Variants in TMEM255B observed in about 807,000 individuals in gnomAD.
TMEM255B encodes transmembrane protein 255B.
TMEM255B carries 35 observed loss-of-function variants against 34.5 expected under a neutral mutation model. That is an observed-to-expected ratio of 1.01 (90% confidence interval 0.77 to 1.34). TMEM255B has a LOEUF of 1.34. Among genes scored for constraint, TMEM255B ranks in the 40% most tolerant of loss-of-function variants. The pLI is 0.00. For missense variants in TMEM255B, 432 were observed against 433.2 expected, an observed-to-expected ratio of 1.00 and a Z score of 0.02; for synonymous variants, 206 against 201.2, an observed-to-expected ratio of 1.02 and a Z score of -0.20.
rs1396760362 is a variant in TMEM255B, at chr13:113,759,461, T to A, written c.46+146T>A. On this transcript the variant is annotated intron_variant, in intron 1 of 8. Transcript: ENST00000375353. ...TGGTCCCTCCGCCTCCTTCGAGCTCTGTCTTTGGAACACTTTGCATTTCGC... is the reference window on the plus strand; with the variant it reads ...TGGTCCCTCCGCCTCCTTCGAGCTCAGTCTTTGGAACACTTTGCATTTCGC... 10 of 734,210 alleles carry A rather than the reference T, an allele frequency of 1.4e-5. No homozygotes were observed. In the African/African-American group the frequency reaches 1.6e-4, roughly 12 times the overall value. 45.5% of individuals were successfully genotyped at this position (734,210 alleles called of 1,614,324 possible).
intron 2 of TMEM255B, 32 bp downstream of exon 2, chr13:113,766,289 G>C (rs781718918): frequency 6.2e-7 from 1 of 1,612,916 alleles, no homozygotes; most frequent in Non-Finnish European, 8.5e-7. Flanking sequence ...CCTGGGCCGG[G>C]GAGGGCAGGG....
rs367805079 is a variant in TMEM255B at position 113,784,367 on chromosome 13, C to T, written c.253-10781C>T. The stretch of plus-strand genomic sequence containing the variant: ...CCCACTGGTCCTCTGAGGACCAGGA[C>T]GGCAGATCTGACTTTCCTGGGTACC... On this transcript the variant is annotated intron_variant, in intron 3 of 8. Transcript: ENST00000375353. Among the ~76,000 whole-genome samples, 86 of 152,236 alleles carry T rather than the reference C, an allele frequency of 5.6e-4. No individual in the cohort carries two copies. In the East Asian group the frequency reaches 0.01, roughly 18 times the overall value.
intron 3 of TMEM255B, among the ~76,000 whole-genome samples, chr13:113,775,051 AACACACC>A (rs1259549652): frequency 2.8e-5 from 2 of 72,606 alleles, no homozygotes; most frequent in East Asian, 3.5e-4. Flanking sequence ...TTGCACACAC[AACACACC>A]ACACACCACA....
Position 113,816,841 on chromosome 13 carries a change from C to T in TMEM255B, c.*4938C>T, listed in dbSNP as rs1566346095. ...ATGGAGCGGACCCTCCCCCTCTCCC[C>T]TCGTGGAGTCCTTGACCCTGGGGCA... On this transcript the variant is annotated 3_prime_UTR_variant, in exon 9 of 9. Transcript: ENST00000375353. The T allele has an allele frequency of 6.6e-6, 1 of 152,372 alleles. No individual in the cohort carries two copies. Among genetic ancestry groups the T allele is most frequent in the East Asian group, 1.9e-4 (1 of 5,182 alleles). 9.4% of individuals were successfully genotyped at this position (152,372 alleles called of 1,614,324 possible). A position where few individuals can be genotyped will look rare whatever the true frequency, so the allele number is the denominator to read the frequency against.
At position 113,811,785 on chromosome 13, in the gene TMEM255B, A is replaced by G; in HGVS notation, c.863A>G (p.Glu288Gly). 6.2e-7 allele frequency: 1 copy of G among 1,613,852 alleles called. No individual in the cohort carries two copies. Among genetic ancestry groups the G allele is most frequent in the Non-Finnish European group, 8.5e-7 (1 of 1,179,862 alleles). The change falls in exon 9 of 9, where the codon GAG (glutamate) becomes GGG (glycine). Residue 288 changes from glutamate (E) to glycine (G), a missense_variant. Coordinates refer to ENST00000375353, the MANE Select transcript of TMEM255B (RefSeq NM_182614.4). ...VAPSSALASSEDLQPPSPSSS... is the reference protein window; with the variant it reads ...VAPSSALASSGDLQPPSPSSS... ...CCCTCCTCTGCCCTGGCTTCGTCTGAGGACCTGCAGCCCCCTTCTCCAAGC... is the reference window on the plus strand; with the variant it reads ...CCCTCCTCTGCCCTGGCTTCGTCTGGGGACCTGCAGCCCCCTTCTCCAAGC...
Position 113,799,396 on chromosome 13 carries a change from T to G in TMEM255B, c.400T>G (p.Leu134Val). Residue 134 changes from leucine (L) to valine (V), a missense_variant, in exon 5 of 9, where the codon TTG becomes GTG. By Grantham distance (32) the Leu-to-Val change is conservative. Transcript: ENST00000375353. ...CQFYSSGVGY[L>V]YDVYQTEVTC... ...GTTTTACTCCAGTGGGGTGGGGTAC[T>G]TGTACGATGTCTACCAGACAGAGGT... The G allele has an allele frequency of 6.2e-7, 1 of 1,614,194 alleles. No individual in the cohort carries two copies. The highest frequency in any genetic ancestry group is 8.5e-7 in the Non-Finnish European group (1 of 1,180,022).
chr13:113,802,753 G>A (rs2051089308), intron 7 of TMEM255B, among the ~76,000 whole-genome samples: 1 of 148,490 alleles, frequency 6.7e-6, no homozygotes, highest in Non-Finnish European at 1.5e-5. Context: ...AACTGGTGAA[G>A]CTGAGAGTGA....
intron 1 of TMEM255B, among the ~76,000 whole-genome samples, chr13:113,763,798 C>T (rs1449177843): frequency 3.3e-5 from 5 of 152,226 alleles, no homozygotes; most frequent in African/African-American, 4.8e-5. Context: ...GTAAGAATGT[C>T]GTTATCATCT....
intron 4 of TMEM255B, among the ~76,000 whole-genome samples, chr13:113,796,813 A>G (rs1480340488): frequency 5.9e-5 from 9 of 152,330 alleles, no homozygotes; most frequent in African/African-American, 1.9e-4. Flanking sequence ...CATAAATCAC[A>G]CTGAAAGGCA....
chr13:113,805,094 G>A, intron 8 of TMEM255B, 66 bp downstream of exon 8: 1 of 1,454,712 alleles, frequency 6.9e-7, no homozygotes, highest in Non-Finnish European at 9.1e-7. Context: ...GACAGGATGG[G>A]GCTGGGGTCG....
intron 3 of TMEM255B, among the ~76,000 whole-genome samples, chr13:113,791,738 A>G (rs886996501): frequency 1.3e-5 from 2 of 152,092 alleles, no homozygotes; most frequent in African/African-American, 4.8e-5. Context: ...CTTTAAAGTG[A>G]TTTTCTTCAT....
At chr13:113,777,561 G>T (rs957039764) in intron 3 of TMEM255B, among the ~76,000 whole-genome samples, 2 of 152,210 alleles carry the variant, frequency 1.3e-5, no homozygotes, top group Admixed American at 1.3e-4. Context: ...GCTGACTCTA[G>T]ACTCAGCCCA....
At position 113,814,565 on chromosome 13, in the gene TMEM255B, G is replaced by A. The variant is rs888849719; in HGVS notation, c.*2662G>A. 16 of 152,206 alleles carry A rather than the reference G, an allele frequency of 1.1e-4. No homozygotes were observed. Among genetic ancestry groups the A allele is most frequent in the African/African-American group, 3.9e-4 (16 of 41,436 alleles). 9.4% of individuals were successfully genotyped at this position (152,206 alleles called of 1,614,324 possible). On this transcript the variant is annotated 3_prime_UTR_variant, in exon 9 of 9. Coordinates refer to ENST00000375353, the MANE Select transcript of TMEM255B (RefSeq NM_182614.4). ...GGCTGGAGGGTCCCCCAGGTCCCAGGGCAGCTCCCACCTGGCGCAGGGCTC... is the reference window on the plus strand; with the variant it reads ...GGCTGGAGGGTCCCCCAGGTCCCAGAGCAGCTCCCACCTGGCGCAGGGCTC...
intron 3 of TMEM255B, among the ~76,000 whole-genome samples, chr13:113,777,000 A>T (rs2050590403): frequency 6.6e-6 from 1 of 152,084 alleles, no homozygotes; most frequent in Non-Finnish European, 1.5e-5. Context: ...GCCCTGTCTG[A>T]AACCAACACC....
rs374579422 is a variant in TMEM255B, at chr13:113,804,684, G to A, written c.670-201G>A. On this transcript the variant is annotated intron_variant, in intron 7 of 8. Coordinates refer to ENST00000375353, the MANE Select transcript of TMEM255B (RefSeq NM_182614.4). The stretch of plus-strand genomic sequence containing the variant: ...TCCAGCCTGGGTATAAACGCACGCC[G>A]GGCCGGGGTTAGCTCCAGCCTGGGT... Among the ~76,000 whole-genome samples, 796 of 144,032 alleles carry A rather than the reference G, an allele frequency of 5.5e-3. 4 individuals carry two copies. Among genetic ancestry groups the A allele is most frequent in the South Asian group, 0.022 (90 of 4,184 alleles). 94.5% of individuals were successfully genotyped at this position (144,032 alleles called of 152,430 possible). A position where few individuals can be genotyped will look rare whatever the true frequency, so the allele number is the denominator to read the frequency against.
At chr13:113,777,961 G>T (rs2050606701) in intron 3 of TMEM255B, among the ~76,000 whole-genome samples, 1 of 152,226 alleles carries the variant, frequency 6.6e-6, no homozygotes, top group Non-Finnish European at 1.5e-5. Flanking sequence ...TTTCCTGGAC[G>T]ACTGTGGACC....
At position 113,812,978 on chromosome 13, in the gene TMEM255B, C is replaced by CAGGACA. The variant is rs1566342270; in HGVS notation, c.*1075_*1076insAGGACA. 7.6e-6 allele frequency: 1 copy of CAGGACA among 132,200 alleles called. No homozygotes were observed. Among genetic ancestry groups the CAGGACA allele is most frequent in the Admixed American group, 7.6e-5 (1 of 13,232 alleles). The allele number at this position is 132,200 out of a possible 1,614,324, so 8.2% of individuals were successfully genotyped here. On this transcript the variant is annotated 3_prime_UTR_variant, in exon 9 of 9. Transcript: ENST00000375353. The stretch of plus-strand genomic sequence containing the variant: ...TGGGTCACGGGCCCCGGGTGGGTCA[C>CAGGACA]GGGTCCCGGGTGGGTCACGGGTCCC...
At chr13:113,795,675 A>G (rs1758634701) in intron 4 of TMEM255B, among the ~76,000 whole-genome samples, 1 of 145,138 alleles carries the variant, frequency 6.9e-6, no homozygotes, top group Middle Eastern at 3.7e-3. Flanking sequence ...CACAGCACAC[A>G]ACACACAGAG....
chr13:113,795,160 A>T lies in TMEM255B; in HGVS notation c.265A>T (p.Ile89Phe). Residue 89 changes from isoleucine to phenylalanine, a missense_variant, in exon 4 of 9, where the codon ATC becomes TTC. Coordinates refer to ENST00000375353, the MANE Select transcript of TMEM255B (RefSeq NM_182614.4). ...CCTTCTGTTGCAGCTGGTGGCAGCG[A>T]TCGTGTTTATCAGTTTTGGCGTGGT... ...ENRRQMLVAA[I>F]VFISFGVVAA... 1 of 1,613,980 alleles carries T rather than the reference A, an allele frequency of 6.2e-7. No individual in the cohort carries two copies.
Sources: allele counts gnomAD v4.1 joint callset (sites outside exome capture counted in the v4.1 genomes callset), GRCh38; gene constraint gnomAD v4.1.1; transcripts MANE v1.5; gene names NCBI Gene and HGNC (gene_info 2026-07-23, HGNC 2026-07-21).